Variants in NAALADL2 observed in about 807,000 individuals in gnomAD.
The protein encoded by NAALADL2 is inactive N-acetylated-alpha-linked acidic dipeptidase-like protein 2.
A neutral mutation model predicts 87.2 loss-of-function variants in NAALADL2; 76 were observed. That is an observed-to-expected ratio of 0.87 (90% CI 0.72 to 1.05). The LOEUF (loss-of-function observed/expected upper bound fraction) is 1.05. NAALADL2 is among the 50% of genes least tolerant of loss of function. NAALADL2 has a pLI of 0.00. For synonymous variants in NAALADL2, 354 were observed against 331.0 expected (o/e 1.07, Z -0.75); for missense variants, 1,089 against 945.8 (o/e 1.15, Z -1.99).
At chr3:175,158,389 G>A (rs1390764074) in intron 2 of NAALADL2, among the ~76,000 whole-genome samples, 3 of 151,690 alleles carry the variant, frequency 2.0e-5, no homozygotes, top group African/African-American at 7.3e-5. Flanking sequence ...TGAATTGGTA[G>A]CTCAACAAGT....
Position 174,892,118 on chromosome 3 carries a change from G to A in NAALADL2, c.43+32668G>A, listed in dbSNP as rs1579391451. Among the ~76,000 whole-genome samples, 3 of 152,196 alleles carry A rather than the reference G, an allele frequency of 2.0e-5. No homozygotes were observed. The South Asian group carries it at 6.2e-4, about 32-fold the overall frequency. On this transcript the variant is annotated intron_variant, in intron 1 of 13. Coordinates refer to ENST00000454872, the MANE Select transcript of NAALADL2 (RefSeq NM_207015.3). Reference sequence around the variant, plus strand: ...AGAAGAACAGCTACAAATAATATGAGGCGGTAAAGACTACGATAAATACCT... The same window carrying A: ...AGAAGAACAGCTACAAATAATATGAAGCGGTAAAGACTACGATAAATACCT...
At chr3:174,901,390 T>A (rs1732285347) in intron 1 of NAALADL2, among the ~76,000 whole-genome samples, 1 of 152,158 alleles carries the variant, frequency 6.6e-6, no homozygotes, top group South Asian at 2.1e-4. Context: ...GTAGGAGGCC[T>A]AATACCCTCC....
rs537019447 is a variant in NAALADL2, at chr3:175,719,198, T to C, written c.1897-18108T>C. Among the ~76,000 whole-genome samples the C allele has an allele frequency of 7.3e-5, 11 of 150,554 alleles. No individual in the cohort carries two copies. In the South Asian group the frequency reaches 1.5e-3, roughly 20 times the overall value. Reference sequence around the variant, plus strand: ...AATGTCTGGAGACATCTTTTGGTTGTCACAAATGTGGGATGGGGGTTACAA... The same window carrying C: ...AATGTCTGGAGACATCTTTTGGTTGCCACAAATGTGGGATGGGGGTTACAA... On this transcript the variant is annotated intron_variant, in intron 11 of 13. Transcript: ENST00000454872.
intron 13 of NAALADL2, among the ~76,000 whole-genome samples, chr3:175,802,689 A>G (rs1754324002): frequency 1.4e-5 from 2 of 147,378 alleles, no homozygotes; most frequent in African/African-American, 5.4e-5. Context: ...AAGCAATTAA[A>G]TCTAGAAACA....
chr3:174,728,279 T>TC (rs1318054881), intron 2 of NAALADL2, among the ~76,000 whole-genome samples: 19 of 151,956 alleles, frequency 1.3e-4, no homozygotes, highest in African/African-American at 4.3e-4. Flanking sequence ...GTATGAATTG[T>TC]CCCCAAGAAG....
chr3:174,694,615 G>A (rs1249676247), intron 2 of NAALADL2, among the ~76,000 whole-genome samples: 3 of 151,972 alleles, frequency 2.0e-5, no homozygotes, highest in African/African-American at 7.2e-5. Context: ...TTTGCTGGAT[G>A]TCATCAAGGT....
At chr3:174,540,174 A>T (rs2108463246) in intron 1 of NAALADL2, among the ~76,000 whole-genome samples, 1 of 152,230 alleles carries the variant, frequency 6.6e-6, no homozygotes, top group African/African-American at 2.4e-5. Flanking sequence ...AATAGAATTT[A>T]TTCTAGTAAG....
At chr3:175,591,637 AAAGTG>A (rs898498428) in intron 10 of NAALADL2, among the ~76,000 whole-genome samples, 8 of 152,074 alleles carry the variant, frequency 5.3e-5, no homozygotes, top group African/African-American at 1.7e-4. Context: ...CAATAAAAGT[AAAGTG>A]AAGTTCAGTG....
intron 11 of NAALADL2, among the ~76,000 whole-genome samples, chr3:175,733,873 T>C (rs1744128576): frequency 1.3e-5 from 2 of 152,216 alleles, no homozygotes; most frequent in Non-Finnish European, 2.9e-5. Context: ...AGTCAAATCT[T>C]AAAGCTCTAA....
chr3:175,070,983 A>G (rs905880974), intron 1 of NAALADL2, among the ~76,000 whole-genome samples: 2 of 152,038 alleles, frequency 1.3e-5, no homozygotes, highest in African/African-American at 4.8e-5. Flanking sequence ...GATGTCATTC[A>G]AGATGTTCTA....
chr3:174,611,473 A>C (rs1446069124), intron 2 of NAALADL2, among the ~76,000 whole-genome samples: 1 of 152,010 alleles, frequency 6.6e-6, no homozygotes, highest in African/African-American at 2.4e-5. Flanking sequence ...GTTCTTTTTT[A>C]GTCTTTCTAA....
At chr3:175,011,059 A>T (rs2108803538) in intron 1 of NAALADL2, among the ~76,000 whole-genome samples, 1 of 152,144 alleles carries the variant, frequency 6.6e-6, no homozygotes, top group Middle Eastern at 3.4e-3. Context: ...GGCTCTTGGG[A>T]TTTGCACTGT....
intron 11 of NAALADL2, among the ~76,000 whole-genome samples, chr3:175,732,183 C>A (rs1035877217): frequency 6.6e-6 from 1 of 152,080 alleles, no homozygotes; most frequent in African/African-American, 2.4e-5. Context: ...CCCCTCCACT[C>A]TCTGAAGGTT....
intron 3 of NAALADL2, among the ~76,000 whole-genome samples, chr3:175,241,784 G>C (rs1040652179): frequency 2.7e-5 from 4 of 149,786 alleles, no homozygotes; most frequent in African/African-American, 9.8e-5. Context: ...AAGTGCAGTG[G>C]ACTGTTTTCA....
chr3:175,565,827 CCCTTTTTTTTTT>C (rs1717034713), intron 9 of NAALADL2, among the ~76,000 whole-genome samples: 1 of 136,330 alleles, frequency 7.3e-6, no homozygotes, highest in African/African-American at 2.7e-5. Flanking sequence ...AAAGCCCCCC[CCCTTTTTTTTTT>C]TTTTTTTTGA....
At chr3:175,220,915 G>T (rs539281356) in intron 2 of NAALADL2, among the ~76,000 whole-genome samples, 1 of 152,040 alleles carries the variant, frequency 6.6e-6, no homozygotes, top group Admixed American at 6.6e-5. Flanking sequence ...GATATTTTAG[G>T]CTGGGCGTGG....
rs559254273 is a variant in NAALADL2, at chr3:175,667,513, G to A, written c.1896+40127G>A. Among the ~76,000 whole-genome samples the A allele has an allele frequency of 1.1e-4, 17 of 152,234 alleles. No homozygotes were observed. The East Asian group carries it at 3.3e-3, about 29-fold the overall frequency. ...CATGATGGAGTTGTACTCTGTTGCT[G>A]TGGTATTATTCTCTTGTTTCTTTGA... On this transcript the variant is annotated intron_variant, in intron 11 of 13. Coordinates refer to ENST00000454872, the MANE Select transcript of NAALADL2 (RefSeq NM_207015.3).
chr3:175,104,449 A>T (rs1032065372), intron 2 of NAALADL2, among the ~76,000 whole-genome samples: 20 of 152,136 alleles, frequency 1.3e-4, no homozygotes, highest in Non-Finnish European at 7.4e-5. Flanking sequence ...GATGATGGTG[A>T]TGTCATCAGC....
intron 11 of NAALADL2, among the ~76,000 whole-genome samples, chr3:175,633,247 A>C (rs576028530): frequency 2.0e-5 from 3 of 152,200 alleles, no homozygotes; most frequent in African/African-American, 7.2e-5. Flanking sequence ...GATCTTTGCT[A>C]TTCTCAGTAA....
Sources: gnomAD v4.1 joint callset for allele counts (sites outside exome capture counted in the v4.1 genomes callset) on GRCh38, gnomAD v4.1.1 for gene constraint, MANE v1.5 for transcripts, NCBI Gene and HGNC (gene_info 2026-07-23, HGNC 2026-07-21) for gene names.